The following ADAMTS6 variants were observed in gnomAD, a reference collection of about 807,000 sequenced individuals.
ADAMTS6 encodes A disintegrin and metalloproteinase with thrombospondin motifs 6.
A neutral mutation model predicts 144.3 loss-of-function variants in ADAMTS6; 23 were observed. The ratio of observed to expected loss-of-function variants is 0.16; its 90% confidence interval spans 0.11 to 0.23. The LOEUF (loss-of-function observed/expected upper bound fraction) is 0.23, where lower values mean the gene tolerates loss of function less well. ADAMTS6 is among the 10% of genes least tolerant of loss of function. ADAMTS6 has a pLI of 1.00. For missense variants in ADAMTS6, 999 were observed against 1,379.6 expected (o/e 0.72, Z 4.37); for synonymous variants, 444 against 457.5 (o/e 0.97, Z 0.38).
intron 7 of ADAMTS6, among the ~76,000 whole-genome samples, chr5:65,430,846 A>C (rs1756947113): frequency 6.6e-6 from 1 of 152,158 alleles, no homozygotes; most frequent in African/African-American, 2.4e-5. Context: ...CTCATTCTTC[A>C]GAATCTTTTA....
At chr5:65,350,429 G>A (rs751665772) in intron 7 of ADAMTS6, among the ~76,000 whole-genome samples, 4 of 151,844 alleles carry the variant, frequency 2.6e-5, no homozygotes, top group African/African-American at 4.8e-5. Context: ...GTCCTCTTCC[G>A]AACTTTCTCC....
chr5:65,225,984 T>A, intron 16 of ADAMTS6, 102 bp downstream of exon 16: 2 of 1,243,070 alleles, frequency 1.6e-6, no homozygotes, highest in Non-Finnish European at 2.1e-6. Context: ...TAAAATGTGG[T>A]CCCCTTTTTT....
At chr5:65,241,843 T>C (rs1057327527) in intron 15 of ADAMTS6, among the ~76,000 whole-genome samples, 31 of 152,174 alleles carry the variant, frequency 2.0e-4, no homozygotes, top group African/African-American at 7.5e-4. Context: ...AGATATCCTT[T>C]CAAGGAATTT....
At chr5:65,296,707 T>C (rs1742873858) in intron 10 of ADAMTS6, among the ~76,000 whole-genome samples, 1 of 152,178 alleles carries the variant, frequency 6.6e-6, no homozygotes, top group Non-Finnish European at 1.5e-5. Flanking sequence ...ATCACCTTTC[T>C]TCCTAGGTCA....
intron 1 of ADAMTS6, among the ~76,000 whole-genome samples, chr5:65,478,688 A>G (rs868464678): frequency 5.3e-5 from 8 of 152,202 alleles, no homozygotes; most frequent in African/African-American, 1.9e-4. Context: ...GATGGAGTCA[A>G]TCAACTAGTT....
Position 65,215,053 on chromosome 5 carries a change from C to T in ADAMTS6, c.2437-121G>A, listed in dbSNP as rs1580079551. On this transcript the variant is annotated intron_variant, in intron 19 of 24. Transcript: ENST00000381055. ...GTCTTACAGGAAACTTAATATAAAA[C>T]ACATGCATTTATATCAAATTTTCTC... The T allele has an allele frequency of 6.2e-6, 8 of 1,284,068 alleles. No individual in the cohort carries two copies. The East Asian group carries it at 1.7e-4, about 27-fold the overall frequency. 79.5% of individuals were successfully genotyped at this position (1,284,068 alleles called of 1,614,324 possible). A position where few individuals can be genotyped will look rare whatever the true frequency, so the allele number is the denominator to read the frequency against.
chr5:65,189,323 A>G (rs549506165), intron 21 of ADAMTS6, among the ~76,000 whole-genome samples: 2 of 152,210 alleles, frequency 1.3e-5, no homozygotes, highest in Admixed American at 6.5e-5. Context: ...AATCAGATCA[A>G]TGAGAATTCT....
intron 14 of ADAMTS6, among the ~76,000 whole-genome samples, chr5:65,255,027 T>C (rs1028731374): frequency 3.9e-5 from 6 of 152,190 alleles, no homozygotes; most frequent in Non-Finnish European, 7.3e-5. Context: ...GAAATTAAAA[T>C]AGCTCTGAGG....
chr5:65,384,029 C>G (rs1190577128), intron 7 of ADAMTS6, among the ~76,000 whole-genome samples: 1 of 152,184 alleles, frequency 6.6e-6, no homozygotes, highest in Non-Finnish European at 1.5e-5. Context: ...AGCCTTAAAA[C>G]GTTCCACCAC....
At chr5:65,240,574 G>A (rs948782404) in intron 15 of ADAMTS6, among the ~76,000 whole-genome samples, 1 of 152,048 alleles carries the variant, frequency 6.6e-6, no homozygotes, top group African/African-American at 2.4e-5. Context: ...GGAGCCCTCC[G>A]AATGGGAATA....
At chr5:65,376,324 G>A (rs751762606) in intron 7 of ADAMTS6, among the ~76,000 whole-genome samples, 3 of 151,952 alleles carry the variant, frequency 2.0e-5, no homozygotes, top group Non-Finnish European at 4.4e-5. Context: ...GGTGGCACGC[G>A]CCTGTAGTCC....
chr5:65,184,106 C>T (rs1459363120), intron 22 of ADAMTS6, among the ~76,000 whole-genome samples: 4 of 152,028 alleles, frequency 2.6e-5, no homozygotes, highest in African/African-American at 4.8e-5. Context: ...ATTTAAAATC[C>T]GACCAGACCT....
chr5:65,161,228 GTGT>G (rs370117408), intron 24 of ADAMTS6, among the ~76,000 whole-genome samples: 5,446 of 151,820 alleles, frequency 0.036, 144 homozygotes, highest in Middle Eastern at 0.075. Context: ...TGTAGAGAAG[GTGT>G]CTCCCTATGT....
At chr5:65,347,370 T>C (rs2150084086) in intron 7 of ADAMTS6, among the ~76,000 whole-genome samples, 1 of 152,132 alleles carries the variant, frequency 6.6e-6, no homozygotes, top group South Asian at 2.1e-4. Flanking sequence ...AATTGATCTT[T>C]GATAAAGGTG....
At chr5:65,278,553 T>G (rs1762742061) in intron 11 of ADAMTS6, among the ~76,000 whole-genome samples, 1 of 152,182 alleles carries the variant, frequency 6.6e-6, no homozygotes, top group South Asian at 2.1e-4. Context: ...TCACTGTGGT[T>G]TTAATTTGCA....
In ADAMTS6 at chr5:65,220,415, T is replaced by G. The variant is rs552552949; in HGVS notation, c.2272+3905A>C. 3.3e-5 allele frequency among the ~76,000 whole-genome samples: 5 copies of G among 152,032 alleles called. No homozygotes were observed. In the East Asian group the frequency reaches 9.7e-4, roughly 29 times the overall value. On this transcript the variant is annotated intron_variant, in intron 18 of 24. Coordinates refer to ENST00000381055, the MANE Select transcript of ADAMTS6 (RefSeq NM_197941.4). Reference sequence around the variant, plus strand: ...GAAGCTAGAAAAAATAAGAACAAATTAAAACAAAGTGAATAGAAAAAAAGA... The same window carrying G: ...GAAGCTAGAAAAAATAAGAACAAATGAAAACAAAGTGAATAGAAAAAAAGA...
intron 15 of ADAMTS6, among the ~76,000 whole-genome samples, chr5:65,240,921 T>C (rs1403671125): frequency 6.6e-6 from 1 of 152,208 alleles, no homozygotes; most frequent in East Asian, 1.9e-4. Context: ...AAATTTTGCA[T>C]GTCACTGTAC....
chr5:65,373,515 G>C (rs1055018704), intron 7 of ADAMTS6, among the ~76,000 whole-genome samples: 1 of 151,102 alleles, frequency 6.6e-6, no homozygotes. Flanking sequence ...TAGAAGAAAT[G>C]GATAAATTCC....
At chr5:65,220,208 A>G in intron 18 of ADAMTS6, among the ~76,000 whole-genome samples, 1 of 152,224 alleles carries the variant, frequency 6.6e-6, no homozygotes, top group Middle Eastern at 3.2e-3. Context: ...GTGAAACACC[A>G]AAATATTTGG....
Sources: gnomAD v4.1 joint callset for allele counts (sites outside exome capture counted in the v4.1 genomes callset) on GRCh38, gnomAD v4.1.1 for gene constraint, MANE v1.5 for transcripts, NCBI Gene and HGNC (gene_info 2026-07-23, HGNC 2026-07-21) for gene names.